Variants in ZNF407 observed in about 807,000 individuals in gnomAD.
The protein encoded by ZNF407 is zinc finger protein 407.
In ZNF407, 17 loss-of-function variants were observed where a neutral mutation model predicts 131.2. The observed-to-expected ratio is 0.13, with a 90% CI of 0.09 to 0.19. The LOEUF is 0.19. Ranked by LOEUF, ZNF407 falls within the 10% of genes least tolerant of loss-of-function variation. The pLI is 1.00. For synonymous variants in ZNF407, 1,156 were observed against 1,062.0 expected, an observed-to-expected ratio of 1.09 and a Z score of -1.72; for missense variants, 2,681 against 2,830.6, an observed-to-expected ratio of 0.95 and a Z score of 1.20.
At chr18:74,778,217 C>A (rs1379093294) in intron 3 of ZNF407, among the ~76,000 whole-genome samples, 2 of 152,122 alleles carry the variant, frequency 1.3e-5, no homozygotes, top group African/African-American at 2.4e-5. Context: ...TCCTCACTTA[C>A]CAGCCCCCAG....
At chr18:75,022,538 A>G (rs4891044) in intron 8 of ZNF407, among the ~76,000 whole-genome samples, 21,993 of 152,218 alleles carry the variant, frequency 0.14, 1,812 homozygotes, top group Admixed American at 0.27. Flanking sequence ...TACTCATAAT[A>G]TTAGAGTGTA....
intron 7 of ZNF407, among the ~76,000 whole-genome samples, chr18:74,900,304 T>C (rs1457879660): frequency 1.3e-4 from 20 of 152,308 alleles, no homozygotes; most frequent in Admixed American, 7.2e-4. Context: ...TGTCATTTCA[T>C]GTGGCTGCGA....
chr18:74,970,848 AT>A (rs571336218), intron 8 of ZNF407, among the ~76,000 whole-genome samples: 5 of 152,242 alleles, frequency 3.3e-5, no homozygotes, highest in Non-Finnish European at 7.4e-5. Flanking sequence ...CTGACCCCAC[AT>A]TTTCTTTGCA....
At chr18:74,720,486 G>C (rs2144868889) in intron 3 of ZNF407, among the ~76,000 whole-genome samples, 1 of 151,226 alleles carries the variant, frequency 6.6e-6, no homozygotes, top group Admixed American at 6.6e-5. Context: ...TTCTTTTGCT[G>C]TGCAGAACCT....
chr18:74,822,781 G>GT (rs949160228), intron 4 of ZNF407, among the ~76,000 whole-genome samples: 11 of 151,950 alleles, frequency 7.2e-5, no homozygotes, highest in South Asian at 2.1e-4. Context: ...GTTTAAAGTA[G>GT]TTTTTTTTCC....
At chr18:74,925,473 C>T (rs897193126) in intron 8 of ZNF407, among the ~76,000 whole-genome samples, 1 of 152,314 alleles carries the variant, frequency 6.6e-6, no homozygotes, top group Non-Finnish European at 1.5e-5. Context: ...TTAACCATTA[C>T]CCCTTATTTA....
In ZNF407 at chr18:74,632,497, C is replaced by A; in HGVS notation, c.1478C>A (p.Thr493Asn). The A allele has an allele frequency of 1.2e-6, 2 of 1,614,000 alleles. No homozygotes were observed. Among genetic ancestry groups the A allele is most frequent in the Non-Finnish European group, 1.7e-6 (2 of 1,179,896 alleles). Reference sequence around the variant, plus strand: ...AGTGTGCAGAGAGTGTGTGTGACTACCTCAGAAACCCAGGAGGCAGAGCAG... The same window carrying A: ...AGTGTGCAGAGAGTGTGTGTGACTAACTCAGAAACCCAGGAGGCAGAGCAG... ...CSSVQRVCVT[T>N]SETQEAEQGQ... Residue 493 changes from threonine (T) to asparagine (N), a missense_variant, in exon 2 of 9, where the codon ACC becomes AAC. Coordinates refer to ENST00000299687, the MANE Select transcript of ZNF407 (RefSeq NM_017757.3).
intron 3 of ZNF407, among the ~76,000 whole-genome samples, chr18:74,644,569 C>A (rs1984880797): frequency 6.6e-6 from 1 of 151,804 alleles, no homozygotes; most frequent in Non-Finnish European, 1.5e-5. Context: ...TCTCTATGTA[C>A]ATATAAGGTA....
intron 4 of ZNF407, among the ~76,000 whole-genome samples, chr18:74,843,421 T>C (rs1056374772): frequency 2.0e-5 from 3 of 152,202 alleles, no homozygotes; most frequent in Non-Finnish European, 4.4e-5. Flanking sequence ...GAGACATATA[T>C]ATATCTTCTC....
intron 1 of ZNF407, among the ~76,000 whole-genome samples, chr18:74,612,735 C>T (rs924279374): frequency 2.0e-5 from 3 of 152,244 alleles, no homozygotes; most frequent in South Asian, 4.1e-4. Context: ...GTGGGGTAGG[C>T]GTTATTAATA....
At chr18:74,615,307 C>A (rs929693569) in intron 1 of ZNF407, among the ~76,000 whole-genome samples, 1 of 152,242 alleles carries the variant, frequency 6.6e-6, no homozygotes, top group South Asian at 2.1e-4. Flanking sequence ...GAGATCGAGA[C>A]CATCCTGGCC....
intron 4 of ZNF407, among the ~76,000 whole-genome samples, chr18:74,871,456 A>G (rs1023108279): frequency 6.6e-6 from 1 of 152,154 alleles, no homozygotes; most frequent in Non-Finnish European, 1.5e-5. Flanking sequence ...TAAATCTTGC[A>G]TTGTTTTCAT....
At chr18:74,852,164 T>TACACACAC (rs10539805) in intron 4 of ZNF407, among the ~76,000 whole-genome samples, 26 of 149,668 alleles carry the variant, frequency 1.7e-4, no homozygotes, top group African/African-American at 2.9e-4. Context: ...GGATGCATGC[T>TACACACAC]ACACACACAC....
chr18:74,845,131 C>T (rs998890092), intron 4 of ZNF407, among the ~76,000 whole-genome samples: 2 of 152,158 alleles, frequency 1.3e-5, no homozygotes, highest in African/African-American at 2.4e-5. Context: ...AGAGAGAATG[C>T]AAGAATTGTT....
At chr18:75,055,797 G>A (rs901008828) in intron 8 of ZNF407, among the ~76,000 whole-genome samples, 2 of 152,086 alleles carry the variant, frequency 1.3e-5, no homozygotes, top group Non-Finnish European at 2.9e-5. Flanking sequence ...TCGCACCCAT[G>A]GCAATTAAGA....
chr18:74,805,692 G>A lies in ZNF407; in HGVS notation c.4877+24190G>A, dbSNP rs527564774. On this transcript the variant is annotated intron_variant, in intron 4 of 8. Transcript: ENST00000299687. The stretch of plus-strand genomic sequence containing the variant: ...CCTGTTGCTGTTTGATCATTGTTAG[G>A]TGGGAATGAACACCATCTGTTAAAG... Among the ~76,000 whole-genome samples the A allele has an allele frequency of 1.3e-3, 195 of 152,268 alleles. 1 individual carries two copies. In the South Asian group the frequency reaches 0.015, roughly 12 times the overall value.
At chr18:74,911,121 T>C (rs1971664837) in intron 7 of ZNF407, among the ~76,000 whole-genome samples, 1 of 152,248 alleles carries the variant, frequency 6.6e-6, no homozygotes, top group African/African-American at 2.4e-5. Flanking sequence ...TAGTACATAC[T>C]GTTTTACATG....
intron 8 of ZNF407, among the ~76,000 whole-genome samples, chr18:74,981,634 A>C (rs533301667): frequency 6.6e-6 from 1 of 152,132 alleles, no homozygotes; most frequent in East Asian, 1.9e-4. Flanking sequence ...CTTCCTACGG[A>C]GGGCACTGTC....
chr18:75,017,664 A>G (rs1186441107), intron 8 of ZNF407, among the ~76,000 whole-genome samples: 1 of 152,170 alleles, frequency 6.6e-6, no homozygotes, highest in East Asian at 1.9e-4. Flanking sequence ...TCTTCAAAAT[A>G]TATCTGGAAT....
Sources: allele counts gnomAD v4.1 joint callset (sites outside exome capture counted in the v4.1 genomes callset), GRCh38; gene constraint gnomAD v4.1.1; transcripts MANE v1.5; gene names NCBI Gene and HGNC (gene_info 2026-07-23, HGNC 2026-07-21).